The following AFF3 variants were observed in gnomAD, a reference collection of about 807,000 sequenced individuals.
The protein encoded by AFF3 is AF4/FMR2 family member 3.
A neutral mutation model predicts 129.7 loss-of-function variants in AFF3; 32 were observed. The observed-to-expected ratio is 0.25, with a 90% CI of 0.19 to 0.33. The LOEUF (loss-of-function observed/expected upper bound fraction) is 0.33, where lower values mean the gene tolerates loss of function less well. Among genes scored for constraint, AFF3 ranks in the 10% least tolerant of loss-of-function variants. AFF3 has a pLI of 1.00. For missense variants in AFF3, 1,373 were observed against 1,592.0 expected (o/e 0.86, Z 2.34); for synonymous variants, 644 against 635.4 (o/e 1.01, Z -0.20).
chr2:99,617,020 A>G (rs1014568651), intron 13 of AFF3, among the ~76,000 whole-genome samples: 1 of 152,152 alleles, frequency 6.6e-6, no homozygotes, highest in African/African-American at 2.4e-5. Context: ...ATAATATTCC[A>G]TTGTATGAAT....
chr2:99,561,838 A>C (rs564042705), intron 20 of AFF3, among the ~76,000 whole-genome samples: 4 of 152,180 alleles, frequency 2.6e-5, no homozygotes, highest in African/African-American at 7.2e-5. Context: ...TCTTTTAGCC[A>C]GTCTTTAAGG....
intron 7 of AFF3, among the ~76,000 whole-genome samples, chr2:100,003,085 C>T (rs1258165397): frequency 9.2e-6 from 1 of 108,482 alleles, no homozygotes; most frequent in East Asian, 3.2e-4. Context: ...TTCAGGGTCT[C>T]TAAGGCTCTG....
intron 4 of AFF3, among the ~76,000 whole-genome samples, chr2:100,085,088 T>C (rs1559114540): frequency 6.6e-6 from 1 of 151,432 alleles, no homozygotes; most frequent in Non-Finnish European, 1.5e-5. Context: ...CTAACTATGA[T>C]TTGATGATAA....
At chr2:99,643,865 A>G (rs1684444856) in intron 13 of AFF3, among the ~76,000 whole-genome samples, 1 of 152,234 alleles carries the variant, frequency 6.6e-6, no homozygotes, top group Admixed American at 6.5e-5. Context: ...ATTTCATTAT[A>G]TACTCCCTAA....
At chr2:99,826,568 G>A (rs1343004311) in intron 8 of AFF3, among the ~76,000 whole-genome samples, 2 of 152,102 alleles carry the variant, frequency 1.3e-5, no homozygotes, top group Non-Finnish European at 2.9e-5. Context: ...TAAATGTGTG[G>A]TCAGGGGTAG....
intron 4 of AFF3, among the ~76,000 whole-genome samples, chr2:100,016,771 T>C (rs1683144128): frequency 6.6e-6 from 1 of 151,436 alleles, no homozygotes; most frequent in Non-Finnish European, 1.5e-5. Flanking sequence ...GTAGTAGTGA[T>C]GGTGGTGGTG....
At chr2:99,847,143 T>C (rs1233106493) in intron 7 of AFF3, among the ~76,000 whole-genome samples, 4 of 152,082 alleles carry the variant, frequency 2.6e-5, no homozygotes, top group Non-Finnish European at 5.9e-5. Context: ...TCGATCTACC[T>C]ACAACACCCT....
intron 2 of AFF3, among the ~76,000 whole-genome samples, chr2:100,116,182 G>A (rs1292325141): frequency 6.6e-6 from 1 of 151,890 alleles, no homozygotes; most frequent in East Asian, 1.9e-4. Flanking sequence ...GTTTATGTTT[G>A]TAGGAAAAGT....
rs373880147 is a variant in AFF3 at position 100,018,030 on chromosome 2, G to A, written c.54-9098C>T. Among the ~76,000 whole-genome samples the A allele has an allele frequency of 4.4e-3, 585 of 132,754 alleles. 1 individual carries two copies. Among genetic ancestry groups the A allele is most frequent in the African/African-American group, 8.1e-3 (299 of 37,046 alleles). 87.1% of individuals were successfully genotyped at this position (132,754 alleles called of 152,430 possible). ...GGTTGATATGTGTGTGTGTGTGTGTGTGTATATATATATATAGGCTAATTT... is the reference window on the plus strand; with the variant it reads ...GGTTGATATGTGTGTGTGTGTGTGTATGTATATATATATATAGGCTAATTT... On this transcript the variant is annotated intron_variant, in intron 4 of 24. Transcript: ENST00000672756.
At chr2:99,645,027 TCTTTA>T (rs1160427329) in intron 13 of AFF3, among the ~76,000 whole-genome samples, 3 of 152,214 alleles carry the variant, frequency 2.0e-5, no homozygotes, top group African/African-American at 4.8e-5. Context: ...GTAATTGGCT[TCTTTA>T]CTTTGTCAAG....
chr2:100,013,193 C>T (rs1682699327), intron 4 of AFF3, among the ~76,000 whole-genome samples: 1 of 152,074 alleles, frequency 6.6e-6, no homozygotes, highest in Non-Finnish European at 1.5e-5. Context: ...GAGCTCCAGC[C>T]AAGGCCAATT....
intron 7 of AFF3, among the ~76,000 whole-genome samples, chr2:99,982,876 C>T (rs910126795): frequency 6.6e-6 from 1 of 152,108 alleles, no homozygotes; most frequent in East Asian, 1.9e-4. Context: ...GGAAACAGAA[C>T]ATTATGCTTT....
intron 12 of AFF3, among the ~76,000 whole-genome samples, chr2:99,650,183 G>A (rs956636001): frequency 2.0e-5 from 3 of 152,206 alleles, no homozygotes; most frequent in African/African-American, 7.2e-5. Flanking sequence ...CATAGTTAAT[G>A]ATATTATGAC....
At chr2:99,915,269 GATCAATAGGGAT>G (rs1223675261) in intron 7 of AFF3, among the ~76,000 whole-genome samples, 1 of 152,104 alleles carries the variant, frequency 6.6e-6, no homozygotes, top group African/African-American at 2.4e-5. Context: ...GAGCCACATG[GATCAATAGGGAT>G]ATCAATAGGG....
chr2:100,007,541 C>A, intron 5 of AFF3, 81 bp from the exon 6 acceptor site: 2 of 1,319,122 alleles, frequency 1.5e-6, no homozygotes, highest in Admixed American at 2.0e-5. Flanking sequence ...CCTTATCAAT[C>A]ACAGAGCCAG....
In AFF3 at chr2:99,593,709, C is replaced by T. The variant is rs2104974780; in HGVS notation, c.1952G>A (p.Arg651His). 1 of 1,609,922 alleles carries T rather than the reference C, an allele frequency of 6.2e-7. No individual in the cohort carries two copies. The stretch of plus-strand genomic sequence containing the variant: ...GACGATCCTGCTTAGCCCCCGCGTG[C>T]GGCGCTTCTCGCAGGTCACGGAGGA... Reference protein sequence around the residue: ...LRSSVTCEKRRTRGLSRIVPK... With the variant: ...LRSSVTCEKRHTRGLSRIVPK... Residue 651 changes from arginine (R) to histidine (H), a missense_variant, in exon 15 of 25, where the codon CGC becomes CAC. Around this residue, in one of 9 missense-constraint regions of AFF3, gnomAD observed 466 missense variants for 505.0 expected, o/e 0.92. Coordinates refer to ENST00000672756, the MANE Select transcript of AFF3 (RefSeq NM_001386135.1).
At chr2:99,570,538 A>G (rs988880021) in intron 18 of AFF3, among the ~76,000 whole-genome samples, 17 of 152,168 alleles carry the variant, frequency 1.1e-4, no homozygotes, top group African/African-American at 3.9e-4. Flanking sequence ...GGGTTTTGCC[A>G]TGTTGCAAAG....
At chr2:100,038,875 A>G (rs1685194849) in intron 4 of AFF3, among the ~76,000 whole-genome samples, 1 of 151,816 alleles carries the variant, frequency 6.6e-6, no homozygotes, top group African/African-American at 2.4e-5. Flanking sequence ...GGTGCCCACG[A>G]CCACGCCCGG....
At chr2:100,046,067 C>T (rs1392153478) in intron 4 of AFF3, among the ~76,000 whole-genome samples, 1 of 152,154 alleles carries the variant, frequency 6.6e-6, no homozygotes, top group Non-Finnish European at 1.5e-5. Context: ...GAATAGTCTA[C>T]CACTTGCTGA....
Sources: allele counts gnomAD v4.1 joint callset (sites outside exome capture counted in the v4.1 genomes callset), GRCh38; gene constraint gnomAD v4.1.1; regional missense constraint gnomAD v4.1.1; transcripts MANE v1.5; gene names NCBI Gene and HGNC (gene_info 2026-07-23, HGNC 2026-07-21).